Variants in PDPK1 observed in about 807,000 individuals in gnomAD.
The protein encoded by PDPK1 is 3-phosphoinositide dependent protein kinase 1.
In PDPK1, 7 loss-of-function variants were observed where a neutral mutation model predicts 39.8. The observed-to-expected ratio is 0.18, with a 90% CI of 0.10 to 0.33. PDPK1 has a LOEUF of 0.33. Ranked by LOEUF, PDPK1 falls within the 10% of genes least tolerant of loss-of-function variation. PDPK1 has a pLI of 1.00. For synonymous variants in PDPK1, 118 were observed against 159.1 expected (o/e 0.74, Z 1.95); for missense variants, 182 against 384.7 (o/e 0.47, Z 4.41).
chr16:2,545,704 A>G (rs1470200542), intron 1 of PDPK1, among the ~76,000 whole-genome samples: 1 of 152,150 alleles, frequency 6.6e-6, no homozygotes, highest in Admixed American at 6.5e-5. Context: ...CATCTTGGCT[A>G]GGCTGGTCGC....
At chr16:2,541,595 G>GTGCT (rs1483795435) in intron 1 of PDPK1, among the ~76,000 whole-genome samples, 1 of 152,196 alleles carries the variant, frequency 6.6e-6, no homozygotes, top group Admixed American at 6.5e-5. Context: ...GAGGGCCAGG[G>GTGCT]TGCTCTATGC....
At chr16:2,592,729 T>G in intron 11 of PDPK1, 1 of 452,492 alleles carries the variant, frequency 2.2e-6, no homozygotes, top group South Asian at 1.6e-5. Flanking sequence ...AGGAGCTGTT[T>G]CTGTCGTGAG....
Position 2,598,397 on chromosome 16 carries a change from G to A in PDPK1, c.*630G>A. 1 of 234,450 alleles carries A rather than the reference G, an allele frequency of 4.3e-6. No individual in the cohort carries two copies. 14.5% of individuals were successfully genotyped at this position (234,450 alleles called of 1,614,324 possible). ...GGCAGCTTTCTGTGGCCCCTGCTGT[G>A]TTGGCAGGCAGGTTTGCGTGGTGAG... On this transcript the variant is annotated 3_prime_UTR_variant, in exon 14 of 14. Coordinates refer to ENST00000342085, the MANE Select transcript of PDPK1 (RefSeq NM_002613.5).
In PDPK1 at chr16:2,601,051, G is replaced by C. The variant is rs1216970632; in HGVS notation, c.*3284G>C. The C allele has an allele frequency of 4.3e-6, 1 of 232,410 alleles. No homozygotes were observed. Among genetic ancestry groups the C allele is most frequent in the Non-Finnish European group, 8.5e-6 (1 of 117,912 alleles). The allele number at this position is 232,410 out of a possible 1,614,324, so 14.4% of individuals were successfully genotyped here. ...CTGTAAAATACTTAAGACGGTTTCT[G>C]ATTTTTCCACTATTTAAATAATGCT... On this transcript the variant is annotated 3_prime_UTR_variant, in exon 14 of 14. Coordinates refer to ENST00000342085, the MANE Select transcript of PDPK1 (RefSeq NM_002613.5).
intron 6 of PDPK1, 160 bp from the exon 7 acceptor site, chr16:2,577,265 G>C: frequency 2.8e-6 from 2 of 715,426 alleles, no homozygotes; most frequent in Non-Finnish European, 5.0e-6. Flanking sequence ...CCAGGGATCA[G>C]GCAGGCGTCT....
intron 1 of PDPK1, among the ~76,000 whole-genome samples, chr16:2,543,788 C>G (rs1176197605): frequency 6.6e-6 from 1 of 152,166 alleles, no homozygotes; most frequent in Non-Finnish European, 1.5e-5. Flanking sequence ...GTGGCACGAT[C>G]TCGGCTCACC....
At chr16:2,550,218 A>T (rs1289080134) in intron 1 of PDPK1, among the ~76,000 whole-genome samples, 3 of 151,112 alleles carry the variant, frequency 2.0e-5, no homozygotes, top group South Asian at 2.1e-4. Flanking sequence ...CACTTAATAA[A>T]TTTTTTTTTT....
At chr16:2,595,700 C>G in intron 11 of PDPK1, 93 bp from the exon 12 acceptor site, 2 of 1,006,702 alleles carry the variant, frequency 2.0e-6, no homozygotes, top group Non-Finnish European at 3.2e-6. Context: ...AGGGGCAGGC[C>G]GAGGCTATGG....
At chr16:2,587,690 G>T (rs2066905514) in intron 11 of PDPK1, among the ~76,000 whole-genome samples, 1 of 152,092 alleles carries the variant, frequency 6.6e-6, no homozygotes, top group African/African-American at 2.4e-5. Context: ...TGTATTTTTT[G>T]ATAGAGACAG....
chr16:2,544,031 G>T (rs565545781), intron 1 of PDPK1, among the ~76,000 whole-genome samples: 2 of 151,846 alleles, frequency 1.3e-5, no homozygotes, highest in Non-Finnish European at 2.9e-5. Flanking sequence ...CACCGTGCCC[G>T]GCCTGCTTTA....
chr16:2,587,702 C>G (rs1450101000), intron 11 of PDPK1, among the ~76,000 whole-genome samples: 1 of 152,140 alleles, frequency 6.6e-6, no homozygotes, highest in African/African-American at 2.4e-5. Context: ...TAGAGACAGG[C>G]TTTCCCTGTG....
rs2067205797 is a variant in PDPK1, at chr16:2,601,060, A to G, written c.*3293A>G. On this transcript the variant is annotated 3_prime_UTR_variant, in exon 14 of 14. Coordinates refer to ENST00000342085, the MANE Select transcript of PDPK1 (RefSeq NM_002613.5). ...ACTTAAGACGGTTTCTGATTTTTCCACTATTTAAATAATGCTGTGATGAAT... is the reference window on the plus strand; with the variant it reads ...ACTTAAGACGGTTTCTGATTTTTCCGCTATTTAAATAATGCTGTGATGAAT... 1 of 232,536 alleles carries G rather than the reference A, an allele frequency of 4.3e-6. No homozygotes were observed. Among genetic ancestry groups the G allele is most frequent in the South Asian group, 1.8e-4 (1 of 5,516 alleles). 14.4% of individuals were successfully genotyped at this position (232,536 alleles called of 1,614,324 possible).
rs763017868 is a variant in PDPK1, at chr16:2,597,158, A to G, written c.1437A>G (p.Thr479=). The G allele has an allele frequency of 3.2e-6, 5 of 1,571,932 alleles. No individual in the cohort carries two copies. Among genetic ancestry groups the G allele is most frequent in the South Asian group, 1.1e-5 (1 of 87,290 alleles). The change falls in exon 13 of 14, where the codon ACA becomes ACG. Residue 479 remains threonine, a synonymous_variant. Transcript: ENST00000342085. The surrounding 1 kb of genome is among the most constrained non-coding windows in gnomAD (Gnocchi z 6.3). The part of the protein sequence containing the change: ...LFARRRQLLL[T]EGPHLYYVDP... ...CAAGACGACGACAGCTGTTGCTCAC[A>G]GAAGGACCACATTTATATTATGTGG...
rs1365100392 is a variant in PDPK1, at chr16:2,538,039, C to G, written c.-74C>G. The G allele has an allele frequency of 4.5e-6, 3 of 662,132 alleles. No individual in the cohort carries two copies. Among genetic ancestry groups the G allele is most frequent in the African/African-American group, 4.0e-5 (2 of 49,828 alleles). The allele number at this position is 662,132 out of a possible 1,614,324, so 41.0% of individuals were successfully genotyped here. A position where few individuals can be genotyped will look rare whatever the true frequency, so the allele number is the denominator to read the frequency against. ...GGCGGCCATTGCTGGGGCTCCGCTT[C>G]GGGGAGGAGGACGCTGAGGAGGCGC... On this transcript the variant is annotated 5_prime_UTR_variant, in exon 1 of 14. Transcript: ENST00000342085.
At chr16:2,543,853 C>T (rs2066284872) in intron 1 of PDPK1, among the ~76,000 whole-genome samples, 2 of 151,700 alleles carry the variant, frequency 1.3e-5, no homozygotes, top group Non-Finnish European at 2.9e-5. Context: ...TCCTGAGTAG[C>T]TGGGATTACA....
At chr16:2,539,611 A>G (rs956381969) in intron 1 of PDPK1, 2 of 152,176 alleles carry the variant, frequency 1.3e-5, no homozygotes, top group African/African-American at 4.8e-5. Flanking sequence ...AAAAATGTTG[A>G]AGGGATGCCT....
chr16:2,597,615 T>A lies in PDPK1; in HGVS notation c.1555-36T>A. 2.0e-6 allele frequency: 3 copies of A among 1,467,056 alleles called. No individual in the cohort carries two copies. Among genetic ancestry groups the A allele is most frequent in the Non-Finnish European group, 2.9e-6 (3 of 1,046,142 alleles). 90.9% of individuals were successfully genotyped at this position (1,467,056 alleles called of 1,614,324 possible). A position where few individuals can be genotyped will look rare whatever the true frequency, so the allele number is the denominator to read the frequency against. The stretch of plus-strand genomic sequence containing the variant: ...GTTGGGGTGGGGGTTTTGGTGGGAC[T>A]CCCTGGAGAACACTAAACGGCTTCT... On this transcript the variant is annotated intron_variant, in intron 13 of 13. Coordinates refer to ENST00000342085, the MANE Select transcript of PDPK1 (RefSeq NM_002613.5). This position sits in a 1 kb window ranked among gnomAD's most constrained non-coding sequence, Gnocchi z 6.3.
At chr16:2,592,549 C>T (rs903957739) in intron 11 of PDPK1, 3 of 338,916 alleles carry the variant, frequency 8.9e-6, no homozygotes, top group South Asian at 2.2e-5. Context: ...CTGGTGGGTA[C>T]CTGTAATCCC....
intron 11 of PDPK1, among the ~76,000 whole-genome samples, chr16:2,591,128 G>A (rs1201964986): frequency 1.3e-5 from 2 of 152,016 alleles, no homozygotes; most frequent in East Asian, 3.9e-4. Context: ...ACACCCGGCT[G>A]AGTTTTGTGT....
Sources: gnomAD v4.1 joint callset for allele counts (sites outside exome capture counted in the v4.1 genomes callset) on GRCh38, gnomAD v4.1.1 for gene constraint, Gnocchi (gnomAD v3.1) non-coding constraint, MANE v1.5 for transcripts, NCBI Gene and HGNC (gene_info 2026-07-23, HGNC 2026-07-21) for gene names.